Variants in CMTM7 observed in about 807,000 individuals in gnomAD.
The protein encoded by CMTM7 is CKLF like MARVEL transmembrane domain containing 7.
CMTM7 carries 7 observed loss-of-function variants against 19.3 expected under a neutral mutation model. That is an observed-to-expected ratio of 0.36 (90% confidence interval 0.21 to 0.68). The LOEUF is 0.68. CMTM7 is among the 30% of genes least tolerant of loss of function. The pLI, the probability that CMTM7 is intolerant of heterozygous loss-of-function variation, is 0.60. For missense variants in CMTM7, 193 were observed against 232.6 expected (o/e 0.83, Z 1.11); for synonymous variants, 87 against 99.3 (o/e 0.88, Z 0.74).
chr3:32,410,643 C>A lies in CMTM7; in HGVS notation c.159+18578C>A, dbSNP rs1696158470. 1.3e-5 allele frequency among the ~76,000 whole-genome samples: 2 copies of A among 152,196 alleles called. 1 individual carries two copies. The highest frequency in any genetic ancestry group is 4.1e-4 in the South Asian group (2 of 4,834). ...AAAAGTCACAGAGAGGCTAGGATGCCTAGCAAAGAGAGGCTAGGATTCCTG... is the reference window on the plus strand; with the variant it reads ...AAAAGTCACAGAGAGGCTAGGATGCATAGCAAAGAGAGGCTAGGATTCCTG... On this transcript the variant is annotated intron_variant, in intron 1 of 4. Transcript: ENST00000334983.
At chr3:32,415,673 G>C (rs1269289308) in intron 1 of CMTM7, among the ~76,000 whole-genome samples, 2 of 152,250 alleles carry the variant, frequency 1.3e-5, no homozygotes, top group Non-Finnish European at 2.9e-5. Flanking sequence ...AGCTCTGAGT[G>C]AATGTTAGTT....
intron 1 of CMTM7, among the ~76,000 whole-genome samples, chr3:32,412,716 C>T (rs904652063): frequency 6.6e-5 from 10 of 152,106 alleles, no homozygotes; most frequent in African/African-American, 2.2e-4. Context: ...TTCACCCATG[C>T]GCCCACCATT....
chr3:32,400,299 C>T (rs529644143), intron 1 of CMTM7, among the ~76,000 whole-genome samples: 4 of 151,442 alleles, frequency 2.6e-5, no homozygotes, highest in South Asian at 2.1e-4. Context: ...GGATTACAGG[C>T]GGGAGCCACC....
intron 1 of CMTM7, among the ~76,000 whole-genome samples, chr3:32,416,427 C>T (rs1411835633): frequency 2.1e-5 from 2 of 94,216 alleles, no homozygotes; most frequent in South Asian, 4.2e-4. Flanking sequence ...TCCCCCAGGC[C>T]GGACTGCGGA....
chr3:32,411,590 T>C (rs61471967), intron 1 of CMTM7, among the ~76,000 whole-genome samples: 13 of 152,130 alleles, frequency 8.5e-5, no homozygotes, highest in African/African-American at 3.1e-4. Context: ...TTTGGGAATG[T>C]TGCTAAGTGA....
chr3:32,449,364 T>C lies in CMTM7; in HGVS notation c.334-90T>C, dbSNP rs575580084. ...AGAAGAGGAAGCGTCACTCTCTCCC[T>C]TTCTTTTCATGTCTTCTGATGCCCA... On this transcript the variant is annotated intron_variant, in intron 2 of 4. Transcript: ENST00000334983. The surrounding 1 kb of genome is among the most constrained non-coding windows in gnomAD (Gnocchi z 4.5). 61 of 904,588 alleles carry C rather than the reference T, an allele frequency of 6.7e-5. No individual in the cohort carries two copies. In the African/African-American group the frequency reaches 9.3e-4, roughly 14 times the overall value. 56.0% of individuals were successfully genotyped at this position (904,588 alleles called of 1,614,324 possible). A position where few individuals can be genotyped will look rare whatever the true frequency, so the allele number is the denominator to read the frequency against.
intron 1 of CMTM7, among the ~76,000 whole-genome samples, chr3:32,404,366 G>GA (rs1696059586): frequency 2.0e-5 from 3 of 151,924 alleles, no homozygotes; most frequent in African/African-American, 7.3e-5. Context: ...TCACCATGTT[G>GA]GCCAGGCTGG....
intron 1 of CMTM7, among the ~76,000 whole-genome samples, chr3:32,401,226 C>T (rs1695997293): frequency 6.6e-6 from 1 of 152,238 alleles, no homozygotes; most frequent in Non-Finnish European, 1.5e-5. Flanking sequence ...AAGTTCCACT[C>T]TTGCGGAAGG....
chr3:32,444,689 A>AT (rs1285692364), intron 2 of CMTM7, among the ~76,000 whole-genome samples: 1 of 152,136 alleles, frequency 6.6e-6, no homozygotes, highest in South Asian at 2.1e-4. Flanking sequence ...AAGTTTTTCC[A>AT]TTTTTTTAGA....
At chr3:32,400,399 C>CTT (rs11425160) in intron 1 of CMTM7, among the ~76,000 whole-genome samples, 11,764 of 116,496 alleles carry the variant, frequency 0.1, 2,001 homozygotes, top group African/African-American at 0.32. Context: ...TCTTCTTCTT[C>CTT]TTTTTTTTTT....
In CMTM7 at chr3:32,391,861, C is replaced by G. The variant is rs572660378; in HGVS notation, c.-46C>G. ...CCCGGCCCGCCCTCTGTATCTGGCCCCTGGGCAGCTGCCCGGGGAGGCGGC... is the reference window on the plus strand; with the variant it reads ...CCCGGCCCGCCCTCTGTATCTGGCCGCTGGGCAGCTGCCCGGGGAGGCGGC... On this transcript the variant is annotated 5_prime_UTR_variant, in exon 1 of 5. Coordinates refer to ENST00000334983, the MANE Select transcript of CMTM7 (RefSeq NM_138410.4). 5 of 1,188,930 alleles carry G rather than the reference C, an allele frequency of 4.2e-6. No individual in the cohort carries two copies. Among genetic ancestry groups the G allele is most frequent in the Non-Finnish European group, 5.2e-6 (5 of 958,392 alleles). The allele number at this position is 1,188,930 out of a possible 1,614,324, so 73.6% of individuals were successfully genotyped here. A position where few individuals can be genotyped will look rare whatever the true frequency, so the allele number is the denominator to read the frequency against.
rs10634592 is a variant in CMTM7, at chr3:32,430,714, T to TGTGTGTGTGA, written c.160-11125_160-11124insTGTGTGTGAG. ...GTGTGTGTGTGTGTGTGTGTGTGTG[T>TGTGTGTGTGA]GACACAGCTCTCCTGATGACCCTTT... On this transcript the variant is annotated intron_variant, in intron 1 of 4. Transcript: ENST00000334983. Among the ~76,000 whole-genome samples the TGTGTGTGTGA allele has an allele frequency of 2.0e-3, 304 of 149,694 alleles. 1 individual carries two copies. The highest frequency in any genetic ancestry group is 4.1e-3 in the East Asian group (21 of 5,080).
intron 4 of CMTM7, among the ~76,000 whole-genome samples, chr3:32,453,874 A>C (rs1559416950): frequency 6.6e-6 from 1 of 152,204 alleles, no homozygotes; most frequent in Non-Finnish European, 1.5e-5. Flanking sequence ...AAACGTAGAG[A>C]ATATAGGGGA....
At chr3:32,404,152 C>CTTTT (rs869206404) in intron 1 of CMTM7, among the ~76,000 whole-genome samples, 2 of 131,996 alleles carry the variant, frequency 1.5e-5, no homozygotes, top group Admixed American at 7.6e-5. Context: ...CTTTTTTTTT[C>CTTTT]TTTTTTTTTC....
chr3:32,453,814 T>G (rs1405761606), intron 4 of CMTM7, among the ~76,000 whole-genome samples: 4 of 152,186 alleles, frequency 2.6e-5, no homozygotes, highest in Admixed American at 6.5e-5. Context: ...GGTATGTGAA[T>G]TATTAAAATA....
intron 1 of CMTM7, among the ~76,000 whole-genome samples, chr3:32,417,497 G>A (rs1453610890): frequency 6.6e-6 from 1 of 152,228 alleles, no homozygotes; most frequent in African/African-American, 2.4e-5. Context: ...TGGCGATTAT[G>A]AATGAAGTTG....
chr3:32,431,408 C>CT (rs942507790), intron 1 of CMTM7, among the ~76,000 whole-genome samples: 37 of 147,322 alleles, frequency 2.5e-4, no homozygotes, highest in Middle Eastern at 3.5e-3. Flanking sequence ...TGGAGTAACA[C>CT]TTTTTTTTTT....
chr3:32,449,929 G>T lies in CMTM7; in HGVS notation c.432+377G>T, dbSNP rs143797440. On this transcript the variant is annotated intron_variant, in intron 3 of 4. Coordinates refer to ENST00000334983, the MANE Select transcript of CMTM7 (RefSeq NM_138410.4). This position sits in a 1 kb window ranked among gnomAD's most constrained non-coding sequence, Gnocchi z 4.5. The stretch of plus-strand genomic sequence containing the variant: ...TTTTGGGCCCAGTGGGAAATGTACT[G>T]TGATCAATTAGAGATACATGCCATG... 4.7e-4 allele frequency among the ~76,000 whole-genome samples: 71 copies of T among 152,268 alleles called. No individual in the cohort carries two copies. The highest frequency in any genetic ancestry group is 1.7e-3 in the African/African-American group (71 of 41,550).
chr3:32,445,979 T>C (rs1367926935), intron 2 of CMTM7, among the ~76,000 whole-genome samples: 1 of 152,212 alleles, frequency 6.6e-6, no homozygotes, highest in Admixed American at 6.5e-5. Flanking sequence ...TAGTTCTCTT[T>C]TTTTCTGATG....
Sources: gnomAD v4.1 joint callset for allele counts (sites outside exome capture counted in the v4.1 genomes callset) on GRCh38, gnomAD v4.1.1 for gene constraint, Gnocchi (gnomAD v3.1) non-coding constraint, MANE v1.5 for transcripts, NCBI Gene and HGNC (gene_info 2026-07-23, HGNC 2026-07-21) for gene names.